PTPRN2: variants seen among roughly 807,000 people sequenced by gnomAD.
The protein encoded by PTPRN2 is protein tyrosine phosphatase receptor type N2, also known as receptor-type tyrosine-protein phosphatase N2.
PTPRN2 carries 74 observed loss-of-function variants against 118.8 expected under a neutral mutation model. That is an observed-to-expected ratio of 0.62 (90% CI 0.52 to 0.76). The LOEUF (loss-of-function observed/expected upper bound fraction) is 0.76. PTPRN2 is among the 30% of genes least tolerant of loss of function. The probability of loss-of-function intolerance (pLI) is 0.00; values close to 1 mark genes in which losing one functional copy is unlikely to be tolerated. For missense variants in PTPRN2, 1,481 were observed against 1,394.4 expected (o/e 1.06, Z -0.99); for synonymous variants, 641 against 608.0 (o/e 1.05, Z -0.80).
At chr7:158,506,912 G>T (rs1014454739) in intron 1 of PTPRN2, among the ~76,000 whole-genome samples, 1 of 152,212 alleles carries the variant, frequency 6.6e-6, no homozygotes, top group African/African-American at 2.4e-5. Flanking sequence ...GCCCAGCCCG[G>T]AGCAGCCACA....
Position 158,227,734 on chromosome 7 carries a change from A to G in PTPRN2, c.278-22461T>C, listed in dbSNP as rs116652437. 4.2e-3 allele frequency among the ~76,000 whole-genome samples: 633 copies of G among 151,344 alleles called. 5 individuals are homozygous for G. Among genetic ancestry groups the G allele is most frequent in the African/African-American group, 0.015 (607 of 41,546 alleles). ...TGAGCAGAGTGTGAAGGATGATCCCATGCAGGAAGCCTGTAGGCTTTGTGA... is the reference window on the plus strand; with the variant it reads ...TGAGCAGAGTGTGAAGGATGATCCCGTGCAGGAAGCCTGTAGGCTTTGTGA... On this transcript the variant is annotated intron_variant, in intron 3 of 22. Transcript: ENST00000389418.
chr7:158,264,859 T>C (rs1296194188), intron 3 of PTPRN2, among the ~76,000 whole-genome samples: 3 of 152,164 alleles, frequency 2.0e-5, no homozygotes, highest in Admixed American at 6.5e-5. Flanking sequence ...GCTGGCACTT[T>C]CCTTGATGCC....
intron 3 of PTPRN2, among the ~76,000 whole-genome samples, chr7:158,310,112 G>A (rs111762053): frequency 0.012 from 1,811 of 152,278 alleles, 38 homozygotes; most frequent in African/African-American, 0.041. Flanking sequence ...TGATTTTTGT[G>A]ACAGCAACTC....
At position 157,924,922 on chromosome 7, in the gene PTPRN2, CACGTCAGGCAA is replaced by C. The variant is rs1798885267; in HGVS notation, c.1724-26196_1724-26186del. ...TCAGGATGCAGGCACCTGCATTTAGCACGTCAGGCAAATGCAGTTATTGAAATGTAGTCAGG... is the reference window on the plus strand; with the variant it reads ...TCAGGATGCAGGCACCTGCATTTAGCATGCAGTTATTGAAATGTAGTCAGG... On this transcript the variant is annotated intron_variant, in intron 11 of 22. Coordinates refer to ENST00000389418, the MANE Select transcript of PTPRN2 (RefSeq NM_002847.5). 9.0e-5 allele frequency among the ~76,000 whole-genome samples: 11 copies of C among 121,894 alleles called. 5 individuals carry two copies. The highest frequency in any genetic ancestry group is 2.4e-4 in the Admixed American group (3 of 12,426). The allele number at this position is 121,894 out of a possible 152,430, so 80.0% of individuals were successfully genotyped here. A position where few individuals can be genotyped will look rare whatever the true frequency, so the allele number is the denominator to read the frequency against.
At chr7:157,932,865 A>G (rs1295156447) in intron 11 of PTPRN2, among the ~76,000 whole-genome samples, 2 of 151,360 alleles carry the variant, frequency 1.3e-5, no homozygotes, top group African/African-American at 4.9e-5. Flanking sequence ...TCTGATTGAC[A>G]GTTTTAGAGG....
At chr7:158,299,231 T>G (rs1244163843) in intron 3 of PTPRN2, among the ~76,000 whole-genome samples, 5 of 152,044 alleles carry the variant, frequency 3.3e-5, no homozygotes, top group Non-Finnish European at 7.4e-5. Context: ...TGGGCTGCCC[T>G]GGGGAAACTG....
At chr7:158,547,959 G>A (rs1333558491) in intron 1 of PTPRN2, among the ~76,000 whole-genome samples, 2 of 152,206 alleles carry the variant, frequency 1.3e-5, no homozygotes, top group Non-Finnish European at 2.9e-5. Flanking sequence ...CTTGCCCATG[G>A]GGGTCACCCA....
chr7:158,238,473 C>T (rs1409388182), intron 3 of PTPRN2, among the ~76,000 whole-genome samples: 1 of 152,178 alleles, frequency 6.6e-6, no homozygotes, highest in African/African-American at 2.4e-5. Flanking sequence ...CTTTCTTCCG[C>T]CCTCAGCCAC....
intron 12 of PTPRN2, among the ~76,000 whole-genome samples, chr7:157,798,880 C>T (rs1406537546): frequency 5.3e-5 from 8 of 152,150 alleles, no homozygotes; most frequent in Non-Finnish European, 1.5e-5. Flanking sequence ...CCTCCACATC[C>T]CATCGGCTCC....
chr7:158,263,100 CTG>C (rs1416968851), intron 3 of PTPRN2, among the ~76,000 whole-genome samples: 3 of 116,896 alleles, frequency 2.6e-5, no homozygotes, highest in East Asian at 4.9e-4. Flanking sequence ...CATTCACACA[CTG>C]CACACACACA....
At chr7:157,678,776 A>C (rs1321555571) in intron 13 of PTPRN2, among the ~76,000 whole-genome samples, 1 of 152,196 alleles carries the variant, frequency 6.6e-6, no homozygotes, top group Non-Finnish European at 1.5e-5. Context: ...TCAAAAGAGA[A>C]CTTGCTGAAA....
chr7:158,523,648 T>G (rs1372212488), intron 1 of PTPRN2, among the ~76,000 whole-genome samples: 2 of 135,808 alleles, frequency 1.5e-5, no homozygotes, highest in African/African-American at 2.8e-5. Context: ...GAGCGGAGTC[T>G]GCCCTGGAGT....
intron 12 of PTPRN2, among the ~76,000 whole-genome samples, chr7:157,693,153 G>A (rs974533759): frequency 6.6e-5 from 10 of 151,938 alleles, no homozygotes; most frequent in African/African-American, 2.2e-4. Flanking sequence ...GGAGAGAAGG[G>A]ACGGGGAGGG....
chr7:158,183,947 T>G (rs1824929477), intron 5 of PTPRN2, among the ~76,000 whole-genome samples: 1 of 152,140 alleles, frequency 6.6e-6, no homozygotes, highest in African/African-American at 2.4e-5. Flanking sequence ...TCTAATCCAC[T>G]GTCTTGAAAA....
chr7:157,574,634 T>G (rs1799927081), intron 19 of PTPRN2, among the ~76,000 whole-genome samples: 1 of 152,210 alleles, frequency 6.6e-6, no homozygotes, highest in African/African-American at 2.4e-5. Flanking sequence ...AAATATTTAA[T>G]CACACATCTC....
chr7:158,538,366 C>A (rs1825775671), intron 1 of PTPRN2, among the ~76,000 whole-genome samples: 1 of 152,254 alleles, frequency 6.6e-6, no homozygotes, highest in Non-Finnish European at 1.5e-5. Context: ...CTGCCCCTCA[C>A]CCCTGCGCGG....
chr7:158,184,684 T>C (rs942725241), intron 5 of PTPRN2, among the ~76,000 whole-genome samples: 1 of 152,038 alleles, frequency 6.6e-6, no homozygotes, highest in African/African-American at 2.4e-5. Context: ...TGGTGGTGGG[T>C]GCCTATAATC....
In PTPRN2 at chr7:157,787,285, T is replaced by A. The variant is rs1804122575; in HGVS notation, c.1789-104348A>T. On this transcript the variant is annotated intron_variant, in intron 12 of 22. Transcript: ENST00000389418. This position sits in a 1 kb window ranked among gnomAD's most constrained non-coding sequence, Gnocchi z 5.3. The stretch of plus-strand genomic sequence containing the variant: ...GGATGCCCACAACCCCTCTGGGGTG[T>A]CGGGGATCAGGTGAGCAAGGGGGCT... Among the ~76,000 whole-genome samples, 1 of 152,192 alleles carries A rather than the reference T, an allele frequency of 6.6e-6. No homozygotes were observed. Among genetic ancestry groups the A allele is most frequent in the South Asian group, 2.1e-4 (1 of 4,826 alleles).
rs547208450 is a variant in PTPRN2 at position 158,207,006 on chromosome 7, T to A, written c.278-1733A>T. Among the ~76,000 whole-genome samples the A allele has an allele frequency of 4.4e-3, 611 of 137,830 alleles. 4 individuals are homozygous for A. Among genetic ancestry groups the A allele is most frequent in the African/African-American group, 0.016 (574 of 37,000 alleles). 90.4% of individuals were successfully genotyped at this position (137,830 alleles called of 152,430 possible). ...CCAGAGTGTGATGTTCCCCTTCCTG[T>A]GTCCATGTGATCTCATTGTTCAATT... On this transcript the variant is annotated intron_variant, in intron 3 of 22. Coordinates refer to ENST00000389418, the MANE Select transcript of PTPRN2 (RefSeq NM_002847.5).
Sources: allele counts gnomAD v4.1 joint callset (sites outside exome capture counted in the v4.1 genomes callset), GRCh38; gene constraint gnomAD v4.1.1; non-coding constraint Gnocchi (gnomAD v3.1); transcripts MANE v1.5; gene names NCBI Gene and HGNC (gene_info 2026-07-23, HGNC 2026-07-21).